The following ZNF827 variants were observed in gnomAD, a reference collection of about 807,000 sequenced individuals.
ZNF827 encodes the protein zinc finger protein 827.
A neutral mutation model predicts 102.4 loss-of-function variants in ZNF827; 13 were observed. The observed-to-expected ratio is 0.13, with a 90% CI of 0.08 to 0.20. ZNF827 has a LOEUF of 0.20. Among genes scored for constraint, ZNF827 ranks in the 10% least tolerant of loss-of-function variants. The pLI is 1.00. For missense variants in ZNF827, 1,103 were observed against 1,344.4 expected (o/e 0.82, Z 2.81); for synonymous variants, 523 against 536.2 (o/e 0.98, Z 0.34).
intron 11 of ZNF827, among the ~76,000 whole-genome samples, chr4:145,767,316 T>C (rs6852566): frequency 0.21 from 31,187 of 152,048 alleles, 4,291 homozygotes; most frequent in East Asian, 0.74. Flanking sequence ...CTGAAGATAA[T>C]AGCTATAGAA....
At chr4:145,812,463 C>T (rs964874135) in intron 8 of ZNF827, among the ~76,000 whole-genome samples, 1 of 151,976 alleles carries the variant, frequency 6.6e-6, no homozygotes, top group African/African-American at 2.4e-5. Context: ...GAATATAGCC[C>T]TGCAGTCTTT....
chr4:145,837,999 C>T (rs921129435), intron 7 of ZNF827, among the ~76,000 whole-genome samples: 5 of 152,114 alleles, frequency 3.3e-5, no homozygotes. Flanking sequence ...TTTCGCCACC[C>T]CAACACTTCA....
At chr4:145,865,483 C>T (rs1006542639) in intron 5 of ZNF827, among the ~76,000 whole-genome samples, 8 of 152,124 alleles carry the variant, frequency 5.3e-5, no homozygotes, top group East Asian at 1.9e-4. Context: ...ACACAGACAG[C>T]GGGACTCCCA....
chr4:145,862,682 C>A (rs1173118815), intron 5 of ZNF827, among the ~76,000 whole-genome samples: 1 of 152,128 alleles, frequency 6.6e-6, no homozygotes, highest in Non-Finnish European at 1.5e-5. Flanking sequence ...AATGCTACAG[C>A]AAATACGGGA....
intron 7 of ZNF827, among the ~76,000 whole-genome samples, chr4:145,837,961 TTC>T (rs1180896343): frequency 1.3e-5 from 2 of 151,758 alleles, no homozygotes; most frequent in African/African-American, 4.8e-5. Context: ...ACATCGCCCA[TTC>T]TCTCTCCATA....
chr4:145,884,314 G>A (rs945065268), intron 4 of ZNF827, among the ~76,000 whole-genome samples: 2 of 152,140 alleles, frequency 1.3e-5, no homozygotes, highest in Non-Finnish European at 2.9e-5. Flanking sequence ...CAAAAGACCC[G>A]ACTGAAGTGT....
intron 3 of ZNF827, 124 bp from the exon 4 acceptor site, chr4:145,886,282 G>GC: frequency 7.1e-7 from 1 of 1,404,236 alleles, no homozygotes; most frequent in African/African-American, 1.4e-5. Context: ...GTACTGCAGA[G>GC]CATTTCACTA....
At chr4:145,810,222 A>G (rs1741873446) in intron 8 of ZNF827, among the ~76,000 whole-genome samples, 1 of 152,210 alleles carries the variant, frequency 6.6e-6, no homozygotes, top group African/African-American at 2.4e-5. Context: ...TAGTTTCACA[A>G]ACTGTATGAA....
At chr4:145,905,973 A>T (rs970191658) in intron 1 of ZNF827, among the ~76,000 whole-genome samples, 5 of 152,222 alleles carry the variant, frequency 3.3e-5, no homozygotes, top group African/African-American at 1.2e-4. Context: ...ATGGTTCCAA[A>T]CTAATGCAGT....
At position 145,761,359 on chromosome 4, in the gene ZNF827, C is replaced by T. The variant is rs747642470; in HGVS notation, c.*257G>A. 7.0e-6 allele frequency: 9 copies of T among 1,289,818 alleles called. No individual in the cohort carries two copies. Among genetic ancestry groups the T allele is most frequent in the African/African-American group, 3.0e-5 (2 of 65,864 alleles). 79.9% of individuals were successfully genotyped at this position (1,289,818 alleles called of 1,614,324 possible). On this transcript the variant is annotated 3_prime_UTR_variant, in exon 15 of 15. Transcript: ENST00000508784. The surrounding 1 kb of genome is among the most constrained non-coding windows in gnomAD (Gnocchi z 6.8). ...GCTGCACTGGTCACAGTGGAAGGGC[C>T]GCTCCCCGGTGTGGACGCGCACGTG...
intron 7 of ZNF827, among the ~76,000 whole-genome samples, chr4:145,824,795 C>T (rs561160528): frequency 1.3e-5 from 2 of 152,318 alleles, no homozygotes; most frequent in African/African-American, 4.8e-5. Flanking sequence ...CCAGGACTAG[C>T]GCTGCTTTGC....
intron 1 of ZNF827, among the ~76,000 whole-genome samples, chr4:145,932,453 T>C (rs1753879457): frequency 2.0e-5 from 3 of 151,630 alleles, no homozygotes; most frequent in Admixed American, 6.6e-5. Context: ...AAGAACATGT[T>C]GACATTAATA....
chr4:145,765,692 G>A lies in ZNF827; in HGVS notation c.2907C>T (p.Ser969=). 1.2e-6 allele frequency: 2 copies of A among 1,614,154 alleles called. No homozygotes were observed. The highest frequency in any genetic ancestry group is 1.7e-6 in the Non-Finnish European group (2 of 1,180,010). Residue 969 remains serine, a synonymous_variant, in exon 12 of 15, where the codon TCC becomes TCT. Coordinates refer to ENST00000508784, the MANE Select transcript of ZNF827 (RefSeq NM_001306215.2). The surrounding 1 kb of genome is among the most constrained non-coding windows in gnomAD (Gnocchi z 4.7). ...TPSESNSPSS[S]SLSALSDSAN... is the part of the protein sequence containing the mutation. ...CTGAATCACTCAGAGCTGAGAGGGA[G>A]GATGAAGAGGGGCTATTTGATTCGC...
chr4:145,823,533 G>A lies in ZNF827; in HGVS notation c.2280-8C>T, dbSNP rs772803860. ...TCTTCTGAAAAGAAAGGGCTGGGGT[G>A]GGGGAGGGGGAGTGAAGTTTAGTAA... is the stretch of plus-strand genomic sequence containing the variant. On this transcript the variant is annotated splice_polypyrimidine_tract_variant and splice_region_variant and intron_variant, in intron 7 of 14. Transcript: ENST00000508784. 4 of 1,571,570 alleles carry A rather than the reference G, an allele frequency of 2.5e-6. No homozygotes were observed. The highest frequency in any genetic ancestry group is 3.3e-5 in the Admixed American group (2 of 59,770).
chr4:145,902,097 CAATG>C lies in ZNF827; in HGVS notation c.1093+65_1093+68del, dbSNP rs1013272616. 5.3e-6 allele frequency: 8 copies of C among 1,503,548 alleles called. No individual in the cohort carries two copies. Among genetic ancestry groups the C allele is most frequent in the Non-Finnish European group, 7.1e-6 (8 of 1,127,760 alleles). The allele number at this position is 1,503,548 out of a possible 1,614,324, so 93.1% of individuals were successfully genotyped here. On this transcript the variant is annotated intron_variant, in intron 2 of 14. Transcript: ENST00000508784. This position sits in a 1 kb window ranked among gnomAD's most constrained non-coding sequence, Gnocchi z 4.3. ...AGATGGGGAACCCAACTGAAAAAAG[CAATG>C]AATAAGACATCGCAGTTTATAGTCT...
chr4:145,853,934 C>A (rs13121212), intron 5 of ZNF827, among the ~76,000 whole-genome samples: 36,585 of 151,014 alleles, frequency 0.24, 4,788 homozygotes, highest in Non-Finnish European at 0.29. Flanking sequence ...CATTACACTC[C>A]GGCATGGGCA....
chr4:145,785,183 C>G (rs1352645940), intron 8 of ZNF827, among the ~76,000 whole-genome samples: 1 of 152,192 alleles, frequency 6.6e-6, no homozygotes, highest in Non-Finnish European at 1.5e-5. Flanking sequence ...AATCCCAAAA[C>G]AAGGCTTTCA....
chr4:145,914,225 G>A (rs1277522379), intron 1 of ZNF827, among the ~76,000 whole-genome samples: 1 of 152,092 alleles, frequency 6.6e-6, no homozygotes, highest in Non-Finnish European at 1.5e-5. Flanking sequence ...AAAGGGCCGT[G>A]GGAGACAAGA....
intron 1 of ZNF827, among the ~76,000 whole-genome samples, chr4:145,923,260 T>C (rs1273260487): frequency 6.6e-6 from 1 of 152,108 alleles, no homozygotes; most frequent in Admixed American, 6.5e-5. Flanking sequence ...GACTATTACA[T>C]ATTGGTGTGA....
Sources: allele counts gnomAD v4.1 joint callset (sites outside exome capture counted in the v4.1 genomes callset), GRCh38; gene constraint gnomAD v4.1.1; non-coding constraint Gnocchi (gnomAD v3.1); transcripts MANE v1.5; gene names NCBI Gene and HGNC (gene_info 2026-07-23, HGNC 2026-07-21).